The following ENOX1 variants were observed in gnomAD, a reference collection of about 807,000 sequenced individuals.
ENOX1 encodes ecto-NOX disulfide-thiol exchanger 1, also known as candidate growth-related and time keeping constitutive hydroquinone (NADH) oxidase.
In ENOX1, 42 loss-of-function variants were observed where a neutral mutation model predicts 82.5. The observed-to-expected ratio is 0.51, with a 90% confidence interval of 0.40 to 0.66. The LOEUF (loss-of-function observed/expected upper bound fraction) is 0.66. ENOX1 is among the 30% of genes least tolerant of loss of function. The pLI, the probability that ENOX1 is intolerant of heterozygous loss-of-function variation, is 0.00. For missense variants in ENOX1, 608 were observed against 811.6 expected, an observed-to-expected ratio of 0.75 and a Z score of 3.05; for synonymous variants, 271 against 282.2, an observed-to-expected ratio of 0.96 and a Z score of 0.40.
chr13:43,481,167 T>C (rs1490817302), intron 3 of ENOX1, among the ~76,000 whole-genome samples: 1 of 152,086 alleles, frequency 6.6e-6, no homozygotes, highest in African/African-American at 2.4e-5. Flanking sequence ...GCTGTTGAAT[T>C]TGGAAGCCTC....
In ENOX1 at chr13:43,786,915, GCGCTGGAGACTCCGC is replaced by G. The variant is rs1460265672; in HGVS notation, c.-563_-549del. On this transcript the variant is annotated 5_prime_UTR_variant, in exon 1 of 17. Transcript: ENST00000690772. The surrounding 1 kb of genome is among the most constrained non-coding windows in gnomAD (Gnocchi z 6.0). ...CGGGAGAGCGGGGATCTGCTGAGGG[GCGCTGGAGACTCCGC>G]GGCTGGAGGCGCGCGGGCGTGCGCA... The G allele has an allele frequency of 2.0e-5, 3 of 151,560 alleles. No homozygotes were observed. Among genetic ancestry groups the G allele is most frequent in the Admixed American group, 2.0e-4 (3 of 15,238 alleles). The allele number at this position is 151,560 out of a possible 1,614,324, so 9.4% of individuals were successfully genotyped here.
At chr13:43,336,031 T>C (rs560638812) in intron 9 of ENOX1, among the ~76,000 whole-genome samples, 1 of 152,358 alleles carries the variant, frequency 6.6e-6, no homozygotes, top group South Asian at 2.1e-4. Context: ...ATAGAAAACC[T>C]GTCACATTGC....
chr13:43,736,011 ACT>A (rs1261508517), intron 1 of ENOX1, among the ~76,000 whole-genome samples: 17 of 152,164 alleles, frequency 1.1e-4, no homozygotes, highest in Admixed American at 3.3e-4. Context: ...CATTTTCAGG[ACT>A]AACTCCTTCC....
At chr13:43,746,188 A>G (rs1181995236) in intron 1 of ENOX1, among the ~76,000 whole-genome samples, 4 of 152,162 alleles carry the variant, frequency 2.6e-5, no homozygotes, top group Non-Finnish European at 5.9e-5. Flanking sequence ...TGTGTACACC[A>G]GAAAGAAAAA....
intron 3 of ENOX1, among the ~76,000 whole-genome samples, chr13:43,467,716 C>G (rs866858865): frequency 6.6e-6 from 1 of 152,214 alleles, no homozygotes; most frequent in South Asian, 2.1e-4. Flanking sequence ...TGGTGTTTCA[C>G]TCAAGAAACT....
chr13:43,336,676 A>C (rs746768304), intron 9 of ENOX1, among the ~76,000 whole-genome samples: 15 of 152,206 alleles, frequency 9.9e-5, no homozygotes, highest in Non-Finnish European at 7.3e-5. Context: ...GGGTCCTGGA[A>C]GATACCTGTA....
intron 3 of ENOX1, among the ~76,000 whole-genome samples, chr13:43,483,056 A>G (rs1449276990): frequency 6.6e-6 from 1 of 152,200 alleles, no homozygotes; most frequent in African/African-American, 2.4e-5. Flanking sequence ...AAAGAAATAA[A>G]AAAAGTAGAA....
At chr13:43,564,938 A>G (rs945406752) in intron 2 of ENOX1, among the ~76,000 whole-genome samples, 4 of 152,138 alleles carry the variant, frequency 2.6e-5, no homozygotes, top group Non-Finnish European at 5.9e-5. Flanking sequence ...GCCTACCACC[A>G]GTCCATCACT....
At chr13:43,768,554 G>T (rs115521701) in intron 1 of ENOX1, among the ~76,000 whole-genome samples, 2,483 of 152,274 alleles carry the variant, frequency 0.016, 54 homozygotes, top group African/African-American at 0.053. Flanking sequence ...CCAGGAGTTC[G>T]AGGTTACAGT....
chr13:43,649,318 C>T (rs780432025), intron 2 of ENOX1, among the ~76,000 whole-genome samples: 14 of 152,272 alleles, frequency 9.2e-5, no homozygotes, highest in Admixed American at 1.3e-4. Flanking sequence ...CCCAGACACA[C>T]GCAAACAATG....
At chr13:43,563,102 A>G (rs2079756577) in intron 2 of ENOX1, among the ~76,000 whole-genome samples, 1 of 152,174 alleles carries the variant, frequency 6.6e-6, no homozygotes, top group Admixed American at 6.5e-5. Flanking sequence ...TCCTCAGCAC[A>G]TGGATCATTC....
chr13:43,235,848 A>G (rs1412737067), intron 15 of ENOX1, among the ~76,000 whole-genome samples: 1 of 152,098 alleles, frequency 6.6e-6, no homozygotes, highest in East Asian at 1.9e-4. Flanking sequence ...CCATGCCACC[A>G]TGGAGCCAGT....
chr13:43,224,178 A>G (rs1402862949), intron 15 of ENOX1, 40 bp from the exon 16 acceptor site: 1 of 1,498,296 alleles, frequency 6.7e-7, no homozygotes, highest in Non-Finnish European at 9.3e-7. Flanking sequence ...ATTCAAAGGC[A>G]TATGAGAGTC....
At chr13:43,500,857 T>C (rs191617231) in intron 2 of ENOX1, among the ~76,000 whole-genome samples, 88 of 152,064 alleles carry the variant, frequency 5.8e-4, no homozygotes, top group South Asian at 1.5e-3. Context: ...ATTGAAGATA[T>C]GTTATCTTAA....
intron 3 of ENOX1, among the ~76,000 whole-genome samples, chr13:43,414,290 G>T (rs886682225): frequency 2.0e-5 from 3 of 152,132 alleles, no homozygotes; most frequent in African/African-American, 4.8e-5. Flanking sequence ...AACTAGAGGG[G>T]TATGTAAGAT....
chr13:43,577,004 C>T (rs1332812590), intron 2 of ENOX1, among the ~76,000 whole-genome samples: 5 of 152,076 alleles, frequency 3.3e-5, no homozygotes, highest in Non-Finnish European at 7.4e-5. Context: ...TACTATGAAC[C>T]ACACATTGTG....
chr13:43,760,827 C>T (rs1298358581), intron 1 of ENOX1, among the ~76,000 whole-genome samples: 1 of 146,504 alleles, frequency 6.8e-6, no homozygotes, highest in Non-Finnish European at 1.5e-5. Context: ...GACTTTATTC[C>T]AGGATCACAG....
Position 43,484,051 on chromosome 13 carries a change from G to A in ENOX1, c.-117C>T, listed in dbSNP as rs1054824970. 7 of 985,266 alleles carry A rather than the reference G, an allele frequency of 7.1e-6. No homozygotes were observed. The African/African-American group carries it at 1.0e-4, about 15-fold the overall frequency. 61.0% of individuals were successfully genotyped at this position (985,266 alleles called of 1,614,324 possible). The stretch of plus-strand genomic sequence containing the variant: ...CTCAGAAGACAAATGTGTTCTCTGG[G>A]GACTTGATTGAAACCATGTATTCAT... On this transcript the variant is annotated 5_prime_UTR_variant, in exon 3 of 17. Transcript: ENST00000690772.
At chr13:43,756,496 A>C (rs1594706145) in intron 1 of ENOX1, among the ~76,000 whole-genome samples, 1 of 72,076 alleles carries the variant, frequency 1.4e-5, no homozygotes, top group Admixed American at 1.9e-4. Flanking sequence ...GGGGAGGGGA[A>C]GGGAGAGAGG....
Sources: gnomAD v4.1 joint callset for allele counts (sites outside exome capture counted in the v4.1 genomes callset) on GRCh38, gnomAD v4.1.1 for gene constraint, Gnocchi (gnomAD v3.1) non-coding constraint, MANE v1.5 for transcripts, NCBI Gene and HGNC (gene_info 2026-07-23, HGNC 2026-07-21) for gene names.